Variants in PLCG1 observed in about 807,000 individuals in gnomAD.
PLCG1 encodes the protein 1-phosphatidylinositol 4,5-bisphosphate phosphodiesterase gamma-1.
PLCG1 carries 71 observed loss-of-function variants against 177.8 expected under a neutral mutation model. The ratio of observed to expected loss-of-function variants is 0.40; its 90% CI spans 0.33 to 0.49. The LOEUF is 0.49. Ranked by LOEUF, PLCG1 falls within the 20% of genes least tolerant of loss-of-function variation. PLCG1 has a pLI of 0.72. For synonymous variants in PLCG1, 658 were observed against 647.9 expected, an observed-to-expected ratio of 1.02 and a Z score of -0.24; for missense variants, 1,281 against 1,709.0, an observed-to-expected ratio of 0.75 and a Z score of 4.42.
chr20:41,140,088 C>A lies in PLCG1; in HGVS notation c.217+2230C>A, dbSNP rs567234783. 5.9e-5 allele frequency among the ~76,000 whole-genome samples: 9 copies of A among 152,268 alleles called. No individual in the cohort carries two copies. The South Asian group carries it at 1.9e-3, about 32-fold the overall frequency. On this transcript the variant is annotated intron_variant, in intron 1 of 31. Coordinates refer to ENST00000685551, the MANE Select transcript of PLCG1 (RefSeq NM_002660.3). ...GGCAGGCATACAGAGGACCTGATAA[C>A]CCCCTACCCAGGGGTGAGCAGGTGG... is the stretch of plus-strand genomic sequence containing the variant.
At chr20:41,161,422 T>G (rs1288181669) in intron 4 of PLCG1, among the ~76,000 whole-genome samples, 3 of 151,886 alleles carry the variant, frequency 2.0e-5, no homozygotes, top group Non-Finnish European at 4.4e-5. Flanking sequence ...GCAAGACAGG[T>G]GTTTTTGGTG....
In PLCG1 at chr20:41,164,971, T is replaced by C; in HGVS notation, c.1256T>C (p.Ile419Thr). 1 of 1,614,176 alleles carries C rather than the reference T, an allele frequency of 6.2e-7. No homozygotes were observed. Among genetic ancestry groups the C allele is most frequent in the Non-Finnish European group, 8.5e-7 (1 of 1,180,004 alleles). ...CTGTCCATTGAGGACCACTGCAGCA[T>C]TGCCCAGCAGAGAAACATGGCCCAA... ...VILSIEDHCSIAQQRNMAQYF... is the reference protein window; with the variant it reads ...VILSIEDHCSTAQQRNMAQYF... Residue 419 changes from isoleucine (I) to threonine (T), a missense_variant, in exon 13 of 32, where the codon ATT (isoleucine) becomes ACT (threonine). This residue lies in a region of PLCG1 where 723 missense variants were observed against 1,030.0 expected (regional missense o/e 0.70). Coordinates refer to ENST00000685551, the MANE Select transcript of PLCG1 (RefSeq NM_002660.3). This position sits in a 1 kb window ranked among gnomAD's most constrained non-coding sequence, Gnocchi z 6.4.
Position 41,150,267 on chromosome 20 carries a change from G to T in PLCG1, c.218-9339G>T, listed in dbSNP as rs1386600238. Among the ~76,000 whole-genome samples, 3 of 152,204 alleles carry T rather than the reference G, an allele frequency of 2.0e-5. No homozygotes were observed. Among genetic ancestry groups the T allele is most frequent in the African/African-American group, 7.2e-5 (3 of 41,462 alleles). On this transcript the variant is annotated intron_variant, in intron 1 of 31. Transcript: ENST00000685551. The surrounding 1 kb of genome is among the most constrained non-coding windows in gnomAD (Gnocchi z 4.0). The stretch of plus-strand genomic sequence containing the variant: ...GGATCACTTGAGGCCAGGAGTTTGA[G>T]ACAAGCTTGGGCAACATAGTGAGAC...
intron 22 of PLCG1, 84 bp from the exon 23 acceptor site, chr20:41,169,373 T>G: frequency 9.0e-7 from 1 of 1,114,948 alleles, no homozygotes; most frequent in South Asian, 1.3e-5. Context: ...ACCCACAAGA[T>G]GTATTTGTCC....
chr20:41,172,067 G>GTA lies in PLCG1; in HGVS notation c.2809-125_2809-124dup, dbSNP rs1391710269. 180 of 751,346 alleles carry GTA rather than the reference G, an allele frequency of 2.4e-4. 1 individual carries two copies. The East Asian group carries it at 4.3e-3, about 18-fold the overall frequency. 46.5% of individuals were successfully genotyped at this position (751,346 alleles called of 1,614,324 possible). A position where few individuals can be genotyped will look rare whatever the true frequency, so the allele number is the denominator to read the frequency against. The stretch of plus-strand genomic sequence containing the variant: ...TACTGTTGGGTGTGGTGTCTGGAAG[G>GTA]TACAGGGGAAGGTGGGAGAGGGGCC... On this transcript the variant is annotated intron_variant, in intron 24 of 31. Coordinates refer to ENST00000685551, the MANE Select transcript of PLCG1 (RefSeq NM_002660.3). This position sits in a 1 kb window ranked among gnomAD's most constrained non-coding sequence, Gnocchi z 7.0.
rs1275730857 is a variant in PLCG1 at position 41,172,321 on chromosome 20, G to A, written c.2905+32G>A. ...GCCAGGGCCCAGGCGGGGTGTGCATGTGCCTGGAGGGCCTGGTGGGTGCAA... is the reference window on the plus strand; with the variant it reads ...GCCAGGGCCCAGGCGGGGTGTGCATATGCCTGGAGGGCCTGGTGGGTGCAA... On this transcript the variant is annotated intron_variant, in intron 25 of 31. Transcript: ENST00000685551. This position sits in a 1 kb window ranked among gnomAD's most constrained non-coding sequence, Gnocchi z 7.0. The A allele has an allele frequency of 6.3e-7, 1 of 1,582,506 alleles. No individual in the cohort carries two copies. The highest frequency in any genetic ancestry group is 8.7e-7 in the Non-Finnish European group (1 of 1,151,174).
At position 41,172,326 on chromosome 20, in the gene PLCG1, T is replaced by C; in HGVS notation, c.2905+37T>C. The stretch of plus-strand genomic sequence containing the variant: ...GGCCCAGGCGGGGTGTGCATGTGCC[T>C]GGAGGGCCTGGTGGGTGCAAAAAGA... On this transcript the variant is annotated intron_variant, in intron 25 of 31. Transcript: ENST00000685551. This position sits in a 1 kb window ranked among gnomAD's most constrained non-coding sequence, Gnocchi z 7.0. 6.3e-7 allele frequency: 1 copy of C among 1,582,578 alleles called. No individual in the cohort carries two copies. The highest frequency in any genetic ancestry group is 1.7e-5 in the Admixed American group (1 of 60,004).
In PLCG1 at chr20:41,162,659, C is replaced by T. The variant is rs374568000; in HGVS notation, c.615C>T (p.Ser205=). 22 of 1,613,804 alleles carry T rather than the reference C, an allele frequency of 1.4e-5. No homozygotes were observed. The highest frequency in any genetic ancestry group is 1.7e-5 in the Admixed American group (1 of 59,986). Reference sequence around the variant, plus strand: ...CCATGCAGGACCTGGAGCAGCGCAGCGGGGACATCACCTACGGGCAGTTTG... The same window carrying T: ...CCATGCAGGACCTGGAGCAGCGCAGTGGGGACATCACCTACGGGCAGTTTG... The part of the protein sequence containing the change: ...RERLTDLEQR[S]GDITYGQFAQ... Residue 205 remains serine (S), a synonymous_variant, in exon 6 of 32, where the codon AGC becomes AGT. Transcript: ENST00000685551.
intron 1 of PLCG1, chr20:41,138,143 G>T: frequency 3.5e-6 from 1 of 287,392 alleles, no homozygotes; most frequent in Non-Finnish European, 6.4e-6. Context: ...GGAGACCTGC[G>T]GTGCAGGCAT....
rs1040917962 is a variant in PLCG1 at position 41,165,347 on chromosome 20, C to T, written c.1489C>T (p.Leu497=). The T allele has an allele frequency of 2.5e-6, 4 of 1,614,040 alleles. No homozygotes were observed. Among genetic ancestry groups the T allele is most frequent in the South Asian group, 2.2e-5 (2 of 91,086 alleles). Residue 497 remains leucine, a synonymous_variant, in exon 14 of 32, where the codon CTG becomes TTG. Transcript: ENST00000685551. This position sits in a 1 kb window ranked among gnomAD's most constrained non-coding sequence, Gnocchi z 6.6. ...CTCTATCAAGAATGGCATCCTCTAC[C>T]TGGAGGACCCTGTGAACCACGTGAG... ...SNSIKNGILY[L]EDPVNHEWYP...
chr20:41,172,487 A>G lies in PLCG1; in HGVS notation c.2972A>G (p.Tyr991Cys). ...TTCCCGGAAACCAAGGCTGAGAAAT[A>G]CGTGAACAAGGCCAAAGGCAAGAAG... ...SSFPETKAEK[Y>C]VNKAKGKKFL... The change falls in exon 26 of 32, where the codon TAC becomes TGC. Residue 991 changes from tyrosine to cysteine, a missense_variant. Tyr to Cys is a radical substitution (Grantham distance 194, BLOSUM62 -2). This residue lies in a region of PLCG1 where 723 missense variants were observed against 1,030.0 expected (regional missense o/e 0.70). Coordinates refer to ENST00000685551, the MANE Select transcript of PLCG1 (RefSeq NM_002660.3). The surrounding 1 kb of genome is among the most constrained non-coding windows in gnomAD (Gnocchi z 7.0). The G allele has an allele frequency of 6.2e-7, 1 of 1,614,214 alleles. No individual in the cohort carries two copies. The highest frequency in any genetic ancestry group is 8.5e-7 in the Non-Finnish European group (1 of 1,180,030).
intron 24 of PLCG1, 103 bp downstream of exon 24, chr20:41,170,372 G>A (rs542378759): frequency 2.4e-5 from 30 of 1,257,372 alleles, no homozygotes; most frequent in South Asian, 1.7e-4. Flanking sequence ...TGGGGCAGCC[G>A]ATGGCCTATG....
chr20:41,138,778 C>G (rs2034707513), intron 1 of PLCG1, among the ~76,000 whole-genome samples: 1 of 152,168 alleles, frequency 6.6e-6, no homozygotes, highest in Non-Finnish European at 1.5e-5. Context: ...TGCTTTTGCG[C>G]TGGTCTCTAG....
rs1202147595 is a variant in PLCG1 at position 41,151,612 on chromosome 20, T to A, written c.218-7994T>A. Among the ~76,000 whole-genome samples the A allele has an allele frequency of 6.6e-6, 1 of 152,002 alleles. No individual in the cohort carries two copies. The highest frequency in any genetic ancestry group is 1.9e-4 in the East Asian group (1 of 5,190). ...CTCAGGGAAACCTCAGATTTGTGAG[T>A]ATGTTTCTACTGAGAGGCAGGAGGA... is the stretch of plus-strand genomic sequence containing the variant. On this transcript the variant is annotated intron_variant, in intron 1 of 31. Transcript: ENST00000685551. This position sits in a 1 kb window ranked among gnomAD's most constrained non-coding sequence, Gnocchi z 5.5.
chr20:41,163,899 C>A lies in PLCG1; in HGVS notation c.1011-22C>A. The A allele has an allele frequency of 6.2e-7, 1 of 1,613,022 alleles. No individual in the cohort carries two copies. Among genetic ancestry groups the A allele is most frequent in the Non-Finnish European group, 8.5e-7 (1 of 1,179,040 alleles). On this transcript the variant is annotated intron_variant, in intron 10 of 31. Coordinates refer to ENST00000685551, the MANE Select transcript of PLCG1 (RefSeq NM_002660.3). The surrounding 1 kb of genome is among the most constrained non-coding windows in gnomAD (Gnocchi z 5.2). ...GGAGGGCCCATCTGACCATACCTACCTGCCTCTCCTTGCCTATCCAGGTAC... is the reference window on the plus strand; with the variant it reads ...GGAGGGCCCATCTGACCATACCTACATGCCTCTCCTTGCCTATCCAGGTAC...
At position 41,166,872 on chromosome 20, in the gene PLCG1, T is replaced by C. The variant is rs1381092593; in HGVS notation, c.2301+13T>C. 3 of 1,612,404 alleles carry C rather than the reference T, an allele frequency of 1.9e-6. No individual in the cohort carries two copies. Among genetic ancestry groups the C allele is most frequent in the Admixed American group, 3.3e-5 (2 of 59,994 alleles). On this transcript the variant is annotated intron_variant, in intron 19 of 31. Coordinates refer to ENST00000685551, the MANE Select transcript of PLCG1 (RefSeq NM_002660.3). The surrounding 1 kb of genome is among the most constrained non-coding windows in gnomAD (Gnocchi z 8.6). ...GATTGGCACAGCTGTGAGGGGGCTG[T>C]GGTAGACGGGGCATGGCAGGGGAGG...
chr20:41,147,131 A>G lies in PLCG1; in HGVS notation c.217+9273A>G, dbSNP rs1485652270. ...GAGGCAGCTCCCCTCTTCCTGCCCT[A>G]GTCACTTCCTCCACCTTCAACAGTA... On this transcript the variant is annotated intron_variant, in intron 1 of 31. Coordinates refer to ENST00000685551, the MANE Select transcript of PLCG1 (RefSeq NM_002660.3). The surrounding 1 kb of genome is among the most constrained non-coding windows in gnomAD (Gnocchi z 4.0). 6.6e-6 allele frequency among the ~76,000 whole-genome samples: 1 copy of G among 152,196 alleles called. No homozygotes were observed. The highest frequency in any genetic ancestry group is 1.5e-5 in the Non-Finnish European group (1 of 68,030).
intron 1 of PLCG1, among the ~76,000 whole-genome samples, chr20:41,138,628 C>T (rs2006901024): frequency 6.6e-6 from 1 of 152,112 alleles, no homozygotes; most frequent in Non-Finnish European, 1.5e-5. Context: ...CCTGCCCCAG[C>T]GCCTTGGAGT....
At position 41,163,681 on chromosome 20, in the gene PLCG1, C is replaced by G; in HGVS notation, c.892-34C>G. On this transcript the variant is annotated intron_variant, in intron 9 of 31. Coordinates refer to ENST00000685551, the MANE Select transcript of PLCG1 (RefSeq NM_002660.3). This position sits in a 1 kb window ranked among gnomAD's most constrained non-coding sequence, Gnocchi z 5.2. The stretch of plus-strand genomic sequence containing the variant: ...TCTTGGGTTGGACAGGGCAGGGACT[C>G]ACTGTCTCTTCCCTTCCACATGTTT... 7.1e-7 allele frequency: 1 copy of G among 1,415,646 alleles called. No individual in the cohort carries two copies. The allele number at this position is 1,415,646 out of a possible 1,614,324, so 87.7% of individuals were successfully genotyped here. A position where few individuals can be genotyped will look rare whatever the true frequency, so the allele number is the denominator to read the frequency against.
Sources: allele counts gnomAD v4.1 joint callset (sites outside exome capture counted in the v4.1 genomes callset), GRCh38; gene constraint gnomAD v4.1.1; regional missense constraint gnomAD v4.1.1; non-coding constraint Gnocchi (gnomAD v3.1); transcripts MANE v1.5; gene names NCBI Gene and HGNC (gene_info 2026-07-23, HGNC 2026-07-21).